ABTB3: variants seen among roughly 807,000 people sequenced by gnomAD.
ABTB3 encodes ankyrin repeat and BTB domain containing 3.
chr12:107,400,653 G>A, the ABTB3 span, among the ~76,000 whole-genome samples: 1 of 152,136 alleles, frequency 6.6e-6, no homozygotes, highest in Non-Finnish European at 1.5e-5. Context: ...CATGGTGTCT[G>A]GGATGTGGTA....
the ABTB3 span, among the ~76,000 whole-genome samples, chr12:107,413,799 T>C: frequency 6.6e-6 from 1 of 152,312 alleles, no homozygotes; most frequent in East Asian, 1.9e-4. Context: ...GGGGCAGGAC[T>C]CAGGAATAAA....
the ABTB3 span, chr12:107,581,356 G>A: frequency 3.4e-5 from 43 of 1,271,026 alleles, no homozygotes; most frequent in Non-Finnish European, 4.3e-5. Context: ...CTCCGGCCTC[G>A]CAGCCTCCAC....
the ABTB3 span, among the ~76,000 whole-genome samples, chr12:107,557,001 G>A: frequency 6.6e-6 from 1 of 151,832 alleles, no homozygotes; most frequent in Non-Finnish European, 1.5e-5. Context: ...GACAGAGTGA[G>A]ACTCTGTCTC....
At chr12:107,497,601 C>T in the ABTB3 span, among the ~76,000 whole-genome samples, 1 of 152,170 alleles carries the variant, frequency 6.6e-6, no homozygotes, top group African/African-American at 2.4e-5. Flanking sequence ...TCATCATCAT[C>T]TATATCACCT....
At chr12:107,559,143 A>T in the ABTB3 span, among the ~76,000 whole-genome samples, 1 of 152,228 alleles carries the variant, frequency 6.6e-6, no homozygotes, top group African/African-American at 2.4e-5. Context: ...GCAGAGAGAG[A>T]TGTAGGGACC....
chr12:107,371,479 G>A, the ABTB3 span, among the ~76,000 whole-genome samples: 7 of 152,254 alleles, frequency 4.6e-5, no homozygotes, highest in South Asian at 6.2e-4. Context: ...AGCTGGCCTC[G>A]TTTCAGAGCC....
At chr12:107,477,274 A>G in the ABTB3 span, among the ~76,000 whole-genome samples, 1 of 152,160 alleles carries the variant, frequency 6.6e-6, no homozygotes, top group African/African-American at 2.4e-5. Context: ...ACAGAGTTCA[A>G]TGGGCGGGTC....
the ABTB3 span, among the ~76,000 whole-genome samples, chr12:107,494,252 G>T: frequency 1.6e-4 from 24 of 152,160 alleles, no homozygotes; most frequent in Admixed American, 1.6e-3. Flanking sequence ...GGGGCTCCCA[G>T]GTCAGCAGTT....
chr12:107,474,934 C>T, the ABTB3 span, among the ~76,000 whole-genome samples: 2 of 152,286 alleles, frequency 1.3e-5, no homozygotes, highest in Admixed American at 6.5e-5. Flanking sequence ...AGGGACCAGT[C>T]CCATCAGCCC....
At chr12:107,627,696 C>T in the ABTB3 span, among the ~76,000 whole-genome samples, 2 of 152,170 alleles carry the variant, frequency 1.3e-5, no homozygotes, top group African/African-American at 4.8e-5. Flanking sequence ...CAGTCATGGG[C>T]CCCTAGCATC....
At chr12:107,516,316 C>T in the ABTB3 span, among the ~76,000 whole-genome samples, 33 of 151,928 alleles carry the variant, frequency 2.2e-4, no homozygotes, top group Non-Finnish European at 5.9e-5. Flanking sequence ...CTGCAACCTC[C>T]GCCTCCCGAG....
the ABTB3 span, among the ~76,000 whole-genome samples, chr12:107,372,398 C>T: frequency 8.7e-4 from 132 of 152,160 alleles, no homozygotes; most frequent in Admixed American, 3.1e-3. Flanking sequence ...ATGTAAATTT[C>T]ATAATACAGG....
At chr12:107,544,969 A>G in the ABTB3 span, among the ~76,000 whole-genome samples, 36 of 152,244 alleles carry the variant, frequency 2.4e-4, no homozygotes, top group African/African-American at 7.5e-4. Flanking sequence ...TGCCCAGCAC[A>G]TAGTAGGTGC....
the ABTB3 span, among the ~76,000 whole-genome samples, chr12:107,549,037 G>C: frequency 6.6e-6 from 1 of 152,200 alleles, no homozygotes; most frequent in Non-Finnish European, 1.5e-5. Flanking sequence ...AAACAAACCA[G>C]AATTTATTCC....
the ABTB3 span, chr12:107,580,685 A>C: frequency 1.5e-6 from 1 of 668,868 alleles, no homozygotes; most frequent in Non-Finnish European, 2.3e-6. Context: ...ACGAGGCTGC[A>C]GATGGGAAGG....
the ABTB3 span, among the ~76,000 whole-genome samples, chr12:107,535,191 C>T: frequency 1.1e-4 from 17 of 152,112 alleles, no homozygotes; most frequent in South Asian, 2.1e-4. Context: ...ACAAAAACCA[C>T]GTGAGTATCT....
At chr12:107,462,967 G>A in the ABTB3 span, among the ~76,000 whole-genome samples, 1 of 150,690 alleles carries the variant, frequency 6.6e-6, no homozygotes. Flanking sequence ...GATGATAATA[G>A]TGGTGATAGT....
chr12:107,441,496 T>C, the ABTB3 span, among the ~76,000 whole-genome samples: 1 of 151,904 alleles, frequency 6.6e-6, no homozygotes, highest in Non-Finnish European at 1.5e-5. Context: ...TCAGGAAAAA[T>C]AGCTAATGCA....
the ABTB3 span, among the ~76,000 whole-genome samples, chr12:107,514,602 C>T: frequency 6.6e-6 from 1 of 152,192 alleles, no homozygotes; most frequent in East Asian, 1.9e-4. Flanking sequence ...CTGCATCTGA[C>T]ACTAAAACAT....
Sources: allele counts gnomAD v4.1 joint callset (sites outside exome capture counted in the v4.1 genomes callset), GRCh38; gene constraint gnomAD v4.1.1; transcripts MANE v1.5; gene names NCBI Gene and HGNC (gene_info 2026-07-23, HGNC 2026-07-21).